ANO4: variants seen among roughly 807,000 people sequenced by gnomAD.
ANO4 encodes the protein anoctamin-4.
In ANO4, 69 loss-of-function variants were observed where a neutral mutation model predicts 141.9. The observed-to-expected ratio is 0.49, with a 90% CI of 0.40 to 0.59. The LOEUF (loss-of-function observed/expected upper bound fraction) is 0.59. ANO4 is among the 20% of genes least tolerant of loss of function. ANO4 has a pLI of 0.00. For missense variants in ANO4, 894 were observed against 1,162.2 expected (o/e 0.77, Z 3.36); for synonymous variants, 350 against 394.3 (o/e 0.89, Z 1.33).
At chr12:100,947,864 A>C (rs1249135313) in intron 5 of ANO4, among the ~76,000 whole-genome samples, 1 of 152,150 alleles carries the variant, frequency 6.6e-6, no homozygotes, top group Non-Finnish European at 1.5e-5. Flanking sequence ...GATTTCTGGT[A>C]TCTAAAGGTG....
At chr12:100,888,780 G>A (rs930042339) in intron 1 of ANO4, among the ~76,000 whole-genome samples, 1 of 152,098 alleles carries the variant, frequency 6.6e-6, no homozygotes, top group African/African-American at 2.4e-5. Flanking sequence ...TGAGGAAAAC[G>A]AGGCCCAGAC....
At chr12:100,957,913 G>C (rs995792903) in intron 5 of ANO4, among the ~76,000 whole-genome samples, 7 of 152,170 alleles carry the variant, frequency 4.6e-5, no homozygotes, top group African/African-American at 1.7e-4. Flanking sequence ...TCGCCATGTT[G>C]GCCAGGCTGG....
chr12:100,893,024 C>A (rs1391429870), intron 1 of ANO4, among the ~76,000 whole-genome samples: 1 of 152,074 alleles, frequency 6.6e-6, no homozygotes, highest in Non-Finnish European at 1.5e-5. Flanking sequence ...TATATATAGA[C>A]AATCACAGTG....
At chr12:100,721,906 T>A (rs1354660684) in intron 1 of ANO4, among the ~76,000 whole-genome samples, 2 of 151,548 alleles carry the variant, frequency 1.3e-5, no homozygotes, top group African/African-American at 4.9e-5. Context: ...TTTCCTAGGC[T>A]GGTCTTTCCT....
chr12:100,806,213 G>A (rs1053825444), intron 1 of ANO4, among the ~76,000 whole-genome samples: 2 of 152,106 alleles, frequency 1.3e-5, no homozygotes, highest in Non-Finnish European at 2.9e-5. Flanking sequence ...CTGGTTCACA[G>A]GGTATGTGAG....
At chr12:100,949,526 T>A in intron 5 of ANO4, among the ~76,000 whole-genome samples, 1 of 152,212 alleles carries the variant, frequency 6.6e-6, no homozygotes, top group Non-Finnish European at 1.5e-5. Context: ...TTTAGTAAAC[T>A]TCATTATTAT....
intron 8 of ANO4, among the ~76,000 whole-genome samples, chr12:101,018,187 T>C (rs959897523): frequency 6.6e-6 from 1 of 152,212 alleles, no homozygotes; most frequent in African/African-American, 2.4e-5. Flanking sequence ...TATAATGGCC[T>C]GTCTCAAATC....
intron 14 of ANO4, among the ~76,000 whole-genome samples, chr12:101,075,443 A>G (rs922113577): frequency 6.6e-6 from 1 of 152,014 alleles, no homozygotes; most frequent in Admixed American, 6.6e-5. Context: ...AAGGAGTTCA[A>G]AATGCCAGCA....
chr12:100,735,738 TC>T (rs1297183603), intron 2 of ANO4, among the ~76,000 whole-genome samples: 1 of 152,132 alleles, frequency 6.6e-6, no homozygotes, highest in Non-Finnish European at 1.5e-5. Flanking sequence ...TCTGAGCTGT[TC>T]CCAGGAATGT....
At chr12:100,926,801 G>A (rs1164387604) in intron 3 of ANO4, among the ~76,000 whole-genome samples, 1 of 151,988 alleles carries the variant, frequency 6.6e-6, no homozygotes, top group African/African-American at 2.4e-5. Flanking sequence ...ACTGATGCTT[G>A]TATGGAAGAA....
rs2032854667 is a variant in ANO4, at chr12:100,761,454, T to G, written c.358+21349T>G. ...TGGATGGGGCAAATTCTGGAGGAAA[T>G]CAGGAACAAACTTTTAGAAGTTTTC... is the stretch of plus-strand genomic sequence containing the variant. On this transcript the variant is annotated intron_variant, in intron 3 of 29. Transcript: ENST00000644049. Among the ~76,000 whole-genome samples, 3 of 152,174 alleles carry G rather than the reference T, an allele frequency of 2.0e-5. No individual in the cohort carries two copies. The South Asian group carries it at 6.2e-4, about 31-fold the overall frequency.
At chr12:100,995,344 A>G (rs2045322400) in intron 8 of ANO4, among the ~76,000 whole-genome samples, 1 of 152,176 alleles carries the variant, frequency 6.6e-6, no homozygotes, top group South Asian at 2.1e-4. Context: ...GGAAGAGAAC[A>G]AAGACCTTGT....
intron 25 of ANO4, among the ~76,000 whole-genome samples, chr12:101,117,614 T>C (rs2050904878): frequency 6.6e-6 from 1 of 152,170 alleles, no homozygotes. Flanking sequence ...GGAGGCCAAG[T>C]TGGGAGGATC....
intron 1 of ANO4, among the ~76,000 whole-genome samples, chr12:100,814,843 C>G (rs2035642510): frequency 1.3e-5 from 2 of 152,086 alleles, no homozygotes; most frequent in African/African-American, 4.8e-5. Context: ...ACATTATCTC[C>G]TGATGGGAGT....
intron 3 of ANO4, among the ~76,000 whole-genome samples, chr12:100,753,511 A>AG (rs1432394247): frequency 3.9e-5 from 6 of 152,142 alleles, no homozygotes; most frequent in Admixed American, 1.3e-4. Context: ...GAAGTTGCCT[A>AG]TAAAGGCCCT....
intron 1 of ANO4, among the ~76,000 whole-genome samples, chr12:100,900,713 G>GA (rs2040556061): frequency 6.6e-6 from 1 of 152,156 alleles, no homozygotes; most frequent in African/African-American, 2.4e-5. Context: ...CACAGGGACA[G>GA]AAAACCAAAA....
chr12:100,880,696 G>A (rs945384346), intron 1 of ANO4, among the ~76,000 whole-genome samples: 1 of 152,116 alleles, frequency 6.6e-6, no homozygotes, highest in African/African-American at 2.4e-5. Context: ...TTGATTATGT[G>A]AGGAGGGCAA....
intron 3 of ANO4, among the ~76,000 whole-genome samples, chr12:100,747,456 A>G (rs540700322): frequency 2.0e-5 from 3 of 152,318 alleles, no homozygotes; most frequent in Non-Finnish European, 2.9e-5. Context: ...GTTCAAGACC[A>G]TTGGTAATCT....
At chr12:100,735,255 A>AACC (rs2031555443) in intron 2 of ANO4, among the ~76,000 whole-genome samples, 1 of 152,198 alleles carries the variant, frequency 6.6e-6, no homozygotes, top group Admixed American at 6.5e-5. Flanking sequence ...CCAGGCATTA[A>AACC]AATTAAGTGG....
Sources: gnomAD v4.1 joint callset for allele counts (sites outside exome capture counted in the v4.1 genomes callset) on GRCh38, gnomAD v4.1.1 for gene constraint, MANE v1.5 for transcripts, NCBI Gene and HGNC (gene_info 2026-07-23, HGNC 2026-07-21) for gene names.